The following TIMELESS variants were observed in gnomAD, a reference collection of about 807,000 sequenced individuals.
TIMELESS encodes timeless circadian regulator, also known as protein timeless homolog.
Under a neutral mutation model 164.3 loss-of-function variants are expected in TIMELESS, and 124 were observed. The observed-to-expected ratio is 0.75, with a 90% CI of 0.65 to 0.88. The LOEUF (loss-of-function observed/expected upper bound fraction) is 0.88. Ranked by LOEUF, TIMELESS falls within the 40% of genes least tolerant of loss-of-function variation. The pLI is 0.00. For missense variants in TIMELESS, 1,422 were observed against 1,491.4 expected (o/e 0.95, Z 0.77); for synonymous variants, 564 against 563.4 (o/e 1.00, Z -0.02).
intron 1 of TIMELESS, among the ~76,000 whole-genome samples, chr12:56,448,277 G>A (rs1565691713): frequency 6.6e-6 from 1 of 152,020 alleles, no homozygotes; most frequent in Non-Finnish European, 1.5e-5. Context: ...GTGGTGGCGG[G>A]CAGCTGTAAT....
chr12:56,423,104 C>G (rs1359540804), intron 18 of TIMELESS, 112 bp from the exon 19 acceptor site: 4 of 1,424,360 alleles, frequency 2.8e-6, no homozygotes, highest in South Asian at 1.4e-5. Context: ...CTCACTCACT[C>G]TCTTCTGTCC....
chr12:56,440,971 C>T (rs1055679583), intron 1 of TIMELESS, among the ~76,000 whole-genome samples: 3 of 142,502 alleles, frequency 2.1e-5, no homozygotes, highest in African/African-American at 7.7e-5. Flanking sequence ...GCCTGTGCCA[C>T]CATGCCAGGC....
At chr12:56,447,616 G>C (rs970189647) in intron 1 of TIMELESS, among the ~76,000 whole-genome samples, 1 of 152,150 alleles carries the variant, frequency 6.6e-6, no homozygotes, top group African/African-American at 2.4e-5. Flanking sequence ...AGTTCCTTAA[G>C]GGTCGGGAAC....
Position 56,434,103 on chromosome 12 carries a change from T to C in TIMELESS, c.68A>G (p.Asp23Gly). 6.2e-7 allele frequency: 1 copy of C among 1,614,146 alleles called. No homozygotes were observed. Among genetic ancestry groups the C allele is most frequent in the Middle Eastern group, 1.6e-4 (1 of 6,062 alleles). ...TCSALGYLEG[D>G]TYHKEPDCLE... ...GCAATCTGGTTCCTTATGGTAAGTGTCTCCCTCCAAGTACCCAAGGGCACT... is the reference window on the plus strand; with the variant it reads ...GCAATCTGGTTCCTTATGGTAAGTGCCTCCCTCCAAGTACCCAAGGGCACT... Residue 23 changes from aspartate (D) to glycine (G), a missense_variant, in exon 2 of 29, where the codon GAC (aspartate) becomes GGC (glycine). Asp to Gly is a moderately conservative substitution (Grantham distance 94, BLOSUM62 -1). Coordinates refer to ENST00000553532, the MANE Select transcript of TIMELESS (RefSeq NM_003920.5).
rs1346229761 is a variant in TIMELESS, at chr12:56,431,541, C to T, written c.751G>A (p.Ala251Thr). 11 of 1,613,766 alleles carry T rather than the reference C, an allele frequency of 6.8e-6. No homozygotes were observed. The highest frequency in any genetic ancestry group is 9.3e-6 in the Non-Finnish European group (11 of 1,179,978). Reference sequence around the variant, plus strand: ...CGCTGGCGCAACACCTCCAGTTCTGCAAAATCTGCACTCCGCTCCTGAGCT... The same window carrying T: ...CGCTGGCGCAACACCTCCAGTTCTGTAAAATCTGCACTCCGCTCCTGAGCT... ...RLAQERSADF[A>T]ELEVLRQREM... The change falls in exon 8 of 29, where the codon GCA (alanine) becomes ACA (threonine). Residue 251 changes from alanine (A) to threonine (T), a missense_variant. Physicochemically the swap from Ala to Thr is moderately conservative, Grantham distance 58 (BLOSUM62 0). Coordinates refer to ENST00000553532, the MANE Select transcript of TIMELESS (RefSeq NM_003920.5).
In TIMELESS at chr12:56,425,212, T is replaced by C. The variant is rs1881641149; in HGVS notation, c.1579-60A>G. The C allele has an allele frequency of 5.1e-5, 77 of 1,524,012 alleles. 1 individual carries two copies. In the South Asian group the frequency reaches 9.3e-4, roughly 18 times the overall value. 94.4% of individuals were successfully genotyped at this position (1,524,012 alleles called of 1,614,324 possible). ...AGCTAAAGAGGGCTTTCCCCATCAG[T>C]GTCTTTTCTATTACAAAACTAATTA... On this transcript the variant is annotated intron_variant, in intron 13 of 28. Transcript: ENST00000553532.
Position 56,416,599 on chromosome 12 carries a change from CCTT to C in TIMELESS, c.*1114_*1116del, listed in dbSNP as rs1192934144. 1.3e-5 allele frequency: 2 copies of C among 152,234 alleles called. No homozygotes were observed. The highest frequency in any genetic ancestry group is 4.8e-5 in the African/African-American group (2 of 41,436). The allele number at this position is 152,234 out of a possible 1,614,324, so 9.4% of individuals were successfully genotyped here. A position where few individuals can be genotyped will look rare whatever the true frequency, so the allele number is the denominator to read the frequency against. On this transcript the variant is annotated 3_prime_UTR_variant, in exon 29 of 29. Transcript: ENST00000553532. ...TGGCTTCTCTTCCTTTATGGCTCCT[CCTT>C]CTTCCTGCCGCATACTCTTGTCACC...
At chr12:56,422,254 C>G (rs1236737060) in intron 19 of TIMELESS, 63 bp from the exon 20 acceptor site, 7 of 1,439,984 alleles carry the variant, frequency 4.9e-6, no homozygotes, top group Non-Finnish European at 5.9e-6. Context: ...AGACCAAAGG[C>G]CTTCTCTGAT....
intron 1 of TIMELESS, among the ~76,000 whole-genome samples, chr12:56,444,444 T>A (rs1406278928): frequency 1.3e-5 from 2 of 152,214 alleles, no homozygotes; most frequent in African/African-American, 4.8e-5. Flanking sequence ...CTAAGTACTC[T>A]GTGATCCTCA....
chr12:56,435,216 G>A (rs1882031784), intron 1 of TIMELESS, among the ~76,000 whole-genome samples: 1 of 152,072 alleles, frequency 6.6e-6, no homozygotes, highest in Admixed American at 6.6e-5. Context: ...GTAGAGAAAG[G>A]TCCTTCACTC....
intron 26 of TIMELESS, among the ~76,000 whole-genome samples, chr12:56,420,048 A>ATATATATATATATATATATG (rs1473074484): frequency 8.4e-4 from 73 of 87,254 alleles, no homozygotes; most frequent in Non-Finnish European, 1.0e-3. Context: ...ATATATATAT[A>ATATATATATATATATATATG]TGTGTGTGTG....
chr12:56,440,875 T>C (rs909401925), intron 1 of TIMELESS, among the ~76,000 whole-genome samples: 6 of 152,228 alleles, frequency 3.9e-5, no homozygotes, highest in African/African-American at 1.4e-4. Context: ...TGGAATGCAG[T>C]GGCGTGATCT....
rs537617091 is a variant in TIMELESS at position 56,447,825 on chromosome 12, G to A, written c.-62+1485C>T. ...AGCTGGATACATTGATTTTCAGAGG[G>A]ACAATTAAGCTCAGTCTTCAAAGAG... On this transcript the variant is annotated intron_variant, in intron 1 of 28. Coordinates refer to ENST00000553532, the MANE Select transcript of TIMELESS (RefSeq NM_003920.5). 2.6e-5 allele frequency among the ~76,000 whole-genome samples: 4 copies of A among 152,224 alleles called. No homozygotes were observed. The South Asian group carries it at 6.2e-4, about 24-fold the overall frequency.
intron 10 of TIMELESS, 33 bp downstream of exon 10, chr12:56,430,072 C>G: frequency 6.3e-7 from 1 of 1,575,160 alleles, no homozygotes; most frequent in Non-Finnish European, 8.6e-7. Context: ...TATTCCATTC[C>G]TGATTATCTC....
intron 20 of TIMELESS, 21 bp downstream of exon 20, chr12:56,422,085 C>A (rs757608427): frequency 1.2e-6 from 2 of 1,613,938 alleles, no homozygotes; most frequent in Non-Finnish European, 1.7e-6. Flanking sequence ...CATAAACTCT[C>A]CAGATCCCAA....
chr12:56,442,736 G>A (rs1301947070), intron 1 of TIMELESS, among the ~76,000 whole-genome samples: 1 of 152,204 alleles, frequency 6.6e-6, no homozygotes, highest in East Asian at 1.9e-4. Context: ...GATAGATGAT[G>A]TTGCGGGAAG....
rs754659975 is a variant in TIMELESS at position 56,423,362 on chromosome 12, T to C, written c.2204A>G (p.Asp735Gly). The change falls in exon 18 of 29, where the codon GAC becomes GGC. Residue 735 changes from aspartate (D) to glycine (G), a missense_variant. By Grantham distance (94) the Asp-to-Gly change is moderately conservative. Coordinates refer to ENST00000553532, the MANE Select transcript of TIMELESS (RefSeq NM_003920.5). ...AAAAAGTAGGGCTTCCATTTTGAGG[T>C]CATGGGCCAGCCGGTGCAGCATCTT... ...IVKMLHRLAHDLKMEALLFQL... is the reference protein window; with the variant it reads ...IVKMLHRLAHGLKMEALLFQL... The C allele has an allele frequency of 3.4e-5, 55 of 1,613,992 alleles. No individual in the cohort carries two copies. The highest frequency in any genetic ancestry group is 4.7e-5 in the Non-Finnish European group (55 of 1,180,034).
At chr12:56,435,521 G>A (rs938936204) in intron 1 of TIMELESS, among the ~76,000 whole-genome samples, 1 of 152,116 alleles carries the variant, frequency 6.6e-6, no homozygotes, top group African/African-American at 2.4e-5. Context: ...ATCATGCCTG[G>A]CCTTTTAAAA....
intron 13 of TIMELESS, among the ~76,000 whole-genome samples, chr12:56,427,886 G>C (rs1881727321): frequency 6.6e-6 from 1 of 152,098 alleles, no homozygotes; most frequent in African/African-American, 2.4e-5. Flanking sequence ...GCAATTTAAG[G>C]CTCTTTCCAC....
Sources: gnomAD v4.1 joint callset for allele counts (sites outside exome capture counted in the v4.1 genomes callset) on GRCh38, gnomAD v4.1.1 for gene constraint, MANE v1.5 for transcripts, NCBI Gene and HGNC (gene_info 2026-07-23, HGNC 2026-07-21) for gene names.